The following ANK3 variants were observed in gnomAD, a reference collection of about 807,000 sequenced individuals.
ANK3 encodes ankyrin-3.
ANK3 carries 57 observed loss-of-function variants against 370.9 expected under a neutral mutation model. The observed-to-expected ratio is 0.15, with a 90% CI of 0.12 to 0.19. The LOEUF is 0.19. Among genes scored for constraint, ANK3 ranks in the 10% least tolerant of loss-of-function variants. The pLI, the probability that ANK3 is intolerant of heterozygous loss-of-function variation, is 1.00. For missense variants in ANK3, 4,439 were observed against 5,302.1 expected (o/e 0.84, Z 5.06); for synonymous variants, 1,929 against 1,946.3 (o/e 0.99, Z 0.23).
chr10:60,139,308 T>C, intron 23 of ANK3: 1 of 494,688 alleles, frequency 2.0e-6, no homozygotes, highest in Non-Finnish European at 3.5e-6. Flanking sequence ...AAACAACTCC[T>C]GGTATTAAAT....
At chr10:60,706,205 T>C (rs2079614976) in intron 1 of ANK3, among the ~76,000 whole-genome samples, 1 of 152,286 alleles carries the variant, frequency 6.6e-6, no homozygotes, top group African/African-American at 2.4e-5. Context: ...AGCACCACCA[T>C]TGTAAAGTTC....
At chr10:60,244,471 G>A (rs2097523645) in intron 7 of ANK3, among the ~76,000 whole-genome samples, 3 of 152,178 alleles carry the variant, frequency 2.0e-5, no homozygotes, top group Admixed American at 2.0e-4. Context: ...ATGGAATCCA[G>A]TATCTTCTGC....
chr10:60,098,068 G>A (rs2090483987), intron 28 of ANK3, among the ~76,000 whole-genome samples: 4 of 152,064 alleles, frequency 2.6e-5, no homozygotes, highest in Admixed American at 2.6e-4. Flanking sequence ...TGGACCTCAG[G>A]CAAGTTCCTG....
At chr10:60,124,704 T>A (rs72820425) in intron 25 of ANK3, among the ~76,000 whole-genome samples, 3,891 of 152,324 alleles carry the variant, frequency 0.026, 79 homozygotes, top group Admixed American at 0.064. Context: ...TGCTATGCTT[T>A]GCTTATTAGA....
chr10:60,352,655 C>A (rs1371343967), intron 1 of ANK3, among the ~76,000 whole-genome samples: 1 of 152,184 alleles, frequency 6.6e-6, no homozygotes, highest in African/African-American at 2.4e-5. Context: ...TCCTTGGACT[C>A]TCTTTCAACT....
intron 2 of ANK3, among the ~76,000 whole-genome samples, chr10:60,613,794 C>T (rs912080868): frequency 2.0e-5 from 3 of 152,176 alleles, no homozygotes; most frequent in Admixed American, 6.5e-5. Context: ...ACAATTCAGA[C>T]CGGGTACCAT....
intron 1 of ANK3, among the ~76,000 whole-genome samples, chr10:60,386,332 C>T (rs987962754): frequency 6.6e-6 from 1 of 151,456 alleles, no homozygotes; most frequent in Admixed American, 6.6e-5. Flanking sequence ...TGATAAGCAC[C>T]TTTTAAAGAA....
At chr10:60,572,408 C>T (rs1183332436) in intron 2 of ANK3, 5 of 1,500,238 alleles carry the variant, frequency 3.3e-6, no homozygotes, top group Non-Finnish European at 3.6e-6. Context: ...CTAAAGATCA[C>T]TTCCTCCCCA....
At chr10:60,731,644 C>A (rs1454116095) in intron 1 of ANK3, among the ~76,000 whole-genome samples, 2 of 152,184 alleles carry the variant, frequency 1.3e-5, no homozygotes, top group Non-Finnish European at 2.9e-5. Flanking sequence ...TTTAACTTTA[C>A]ATTCACTTTC....
intron 1 of ANK3, among the ~76,000 whole-genome samples, chr10:60,377,734 G>A (rs2060987861): frequency 6.6e-6 from 1 of 152,148 alleles, no homozygotes; most frequent in South Asian, 2.1e-4. Flanking sequence ...CCAGGGGCAG[G>A]GTGCCTTAGA....
intron 23 of ANK3, among the ~76,000 whole-genome samples, chr10:60,149,973 T>C (rs4542352): frequency 0.58 from 88,328 of 152,070 alleles, 25,868 homozygotes; most frequent in Middle Eastern, 0.65. Flanking sequence ...CCTCCCAAAG[T>C]ACTGGGATTA....
intron 42 of ANK3, chr10:60,043,929 T>C: frequency 2.0e-6 from 2 of 985,764 alleles, no homozygotes; most frequent in Non-Finnish European, 2.4e-6. Context: ...TATTTTTCTT[T>C]GACCCTGATC....
intron 2 of ANK3, among the ~76,000 whole-genome samples, chr10:60,566,158 C>A (rs1430424625): frequency 6.6e-6 from 1 of 151,994 alleles, no homozygotes; most frequent in East Asian, 1.9e-4. Context: ...AGCCACAAAC[C>A]ACATCCATAT....
chr10:60,367,175 A>G (rs959983688), intron 1 of ANK3, among the ~76,000 whole-genome samples: 2 of 152,214 alleles, frequency 1.3e-5, no homozygotes, highest in African/African-American at 2.4e-5. Flanking sequence ...TTAGATGTCT[A>G]TTACTGAGAT....
rs1290993397 is a variant in ANK3, at chr10:60,648,595, C to T, written c.58-33371G>A. ...ACCAGCCTGGCCAACATAGTGAAATCCTTGTCTCTACAAAAAATACAAAAA... is the reference window on the plus strand; with the variant it reads ...ACCAGCCTGGCCAACATAGTGAAATTCTTGTCTCTACAAAAAATACAAAAA... On this transcript the variant is annotated intron_variant, in intron 1 of 43. Coordinates refer to the ANK3 transcript ENST00000373827. 4.0e-5 allele frequency among the ~76,000 whole-genome samples: 6 copies of T among 150,230 alleles called. No homozygotes were observed. The South Asian group carries it at 1.3e-3, about 32-fold the overall frequency.
chr10:60,096,688 C>G (rs896846512), intron 28 of ANK3, among the ~76,000 whole-genome samples: 1 of 152,058 alleles, frequency 6.6e-6, no homozygotes, highest in Admixed American at 6.6e-5. Flanking sequence ...AAATTCAGAA[C>G]CCAAATTGTT....
chr10:60,088,078 T>C, intron 29 of ANK3, 69 bp downstream of exon 29: 1 of 1,291,638 alleles, frequency 7.7e-7, no homozygotes, highest in Admixed American at 1.7e-5. Flanking sequence ...AATAACTCTT[T>C]CCAGAGCAAA....
chr10:60,279,687 C>T (rs1428120481), intron 1 of ANK3, 48 bp from the exon 2 acceptor site: 6 of 1,420,186 alleles, frequency 4.2e-6, no homozygotes, highest in Non-Finnish European at 4.9e-6. Context: ...AGCTAATATG[C>T]ATGTTTATAA....
chr10:60,693,072 G>A (rs1210098399), intron 1 of ANK3, among the ~76,000 whole-genome samples: 3 of 152,204 alleles, frequency 2.0e-5, no homozygotes, highest in Non-Finnish European at 2.9e-5. Context: ...GAAGCAGGGC[G>A]AGGCATTGCC....
Sources: gnomAD v4.1 joint callset for allele counts (sites outside exome capture counted in the v4.1 genomes callset) on GRCh38, gnomAD v4.1.1 for gene constraint, MANE v1.5 for transcripts, NCBI Gene and HGNC (gene_info 2026-07-23, HGNC 2026-07-21) for gene names.